PANK3: variants seen among roughly 807,000 people sequenced by gnomAD.
PANK3 encodes the protein hPanK3.
PANK3 carries 20 observed loss-of-function variants against 39.4 expected under a neutral mutation model. The observed-to-expected ratio is 0.51, with a 90% CI of 0.36 to 0.74. The LOEUF is 0.74. Ranked by LOEUF, PANK3 falls within the 30% of genes least tolerant of loss-of-function variation. PANK3 has a pLI of 0.00. For synonymous variants in PANK3, 140 were observed against 157.3 expected, an observed-to-expected ratio of 0.89 and a Z score of 0.82; for missense variants, 265 against 437.0, an observed-to-expected ratio of 0.61 and a Z score of 3.51.
intron 1 of PANK3, among the ~76,000 whole-genome samples, chr5:168,575,694 G>A (rs1759719592): frequency 6.6e-6 from 1 of 152,158 alleles, no homozygotes; most frequent in Non-Finnish European, 1.5e-5. Context: ...GCTGAGGGGG[G>A]AGGATTGCTT....
rs912331579 is a variant in PANK3 at position 168,554,123 on chromosome 5, T to A, written c.*3448A>T. 1 of 152,336 alleles carries A rather than the reference T, an allele frequency of 6.6e-6. No individual in the cohort carries two copies. The allele number at this position is 152,336 out of a possible 1,614,324, so 9.4% of individuals were successfully genotyped here. A position where few individuals can be genotyped will look rare whatever the true frequency, so the allele number is the denominator to read the frequency against. On this transcript the variant is annotated 3_prime_UTR_variant, in exon 7 of 7. Coordinates refer to ENST00000239231, the MANE Select transcript of PANK3 (RefSeq NM_024594.4). ...ACCTGGGAATTTATTCTCTCTTTTG[T>A]ATTTTTGATAGTGATTACAAAGTTT... is the stretch of plus-strand genomic sequence containing the variant.
Position 168,551,528 on chromosome 5 carries a change from A to AC in PANK3, c.*6042dup. 1 of 152,174 alleles carries AC rather than the reference A, an allele frequency of 6.6e-6. No individual in the cohort carries two copies. The highest frequency in any genetic ancestry group is 1.5e-5 in the Non-Finnish European group (1 of 68,030). 9.4% of individuals were successfully genotyped at this position (152,174 alleles called of 1,614,324 possible). On this transcript the variant is annotated 3_prime_UTR_variant, in exon 7 of 7. Coordinates refer to ENST00000239231, the MANE Select transcript of PANK3 (RefSeq NM_024594.4). ...ACAGAAAAAGATACAATATGAAAAA[A>AC]CTTTGCTTATAATATACAGAGTGGT...
At position 168,552,218 on chromosome 5, in the gene PANK3, G is replaced by A. The variant is rs140560219; in HGVS notation, c.*5353C>T. On this transcript the variant is annotated 3_prime_UTR_variant, in exon 7 of 7. Coordinates refer to ENST00000239231, the MANE Select transcript of PANK3 (RefSeq NM_024594.4). ...GTACAGAGGTCTACAATGCATTAAA[G>A]TTTCTTTTTAATCCTTAGAAATTGG... The A allele has an allele frequency of 3.9e-5, 6 of 152,258 alleles. No homozygotes were observed. In the East Asian group the frequency reaches 1.2e-3, roughly 29 times the overall value. The allele number at this position is 152,258 out of a possible 1,614,324, so 9.4% of individuals were successfully genotyped here. A position where few individuals can be genotyped will look rare whatever the true frequency, so the allele number is the denominator to read the frequency against.
At position 168,568,778 on chromosome 5, in the gene PANK3, G is replaced by C. The variant is rs1286797444; in HGVS notation, c.249C>G (p.His83Gln). Residue 83 changes from histidine to glutamine, a missense_variant, in exon 2 of 7, where the codon CAC becomes CAG. By Grantham distance (24) the His-to-Gln change is conservative. Around this residue, in one of 3 missense-constraint regions of PANK3, gnomAD observed 154 missense variants for 256.8 expected, o/e 0.60. Coordinates refer to ENST00000239231, the MANE Select transcript of PANK3 (RefSeq NM_024594.4). ...LTLFGRRGNL[H>Q]FIRFPTQDLP... Reference sequence around the variant, plus strand: ...GGTCCTGGGTTGGAAACCTGATAAAGTGCAAGTTCCCTCTTCGGCCAAAAA... The same window carrying C: ...GGTCCTGGGTTGGAAACCTGATAAACTGCAAGTTCCCTCTTCGGCCAAAAA... 6.2e-7 allele frequency: 1 copy of C among 1,614,066 alleles called. No individual in the cohort carries two copies. Among genetic ancestry groups the C allele is most frequent in the East Asian group, 2.2e-5 (1 of 44,878 alleles).
At chr5:168,566,370 C>T (rs1336551100) in intron 2 of PANK3, 104 bp from the exon 3 acceptor site, 12 of 1,248,830 alleles carry the variant, frequency 9.6e-6, no homozygotes, top group South Asian at 1.5e-5. Flanking sequence ...GGTCTATGAC[C>T]CCCACATTTT....
intron 1 of PANK3, 73 bp downstream of exon 1, chr5:168,579,183 G>T: frequency 7.3e-7 from 1 of 1,363,516 alleles, no homozygotes; most frequent in Non-Finnish European, 9.7e-7. Context: ...GAAGCCGACC[G>T]CCCAGCCAAG....
chr5:168,579,233 G>C, intron 1 of PANK3, 23 bp downstream of exon 1: 1 of 1,486,588 alleles, frequency 6.7e-7, no homozygotes, highest in Non-Finnish European at 9.0e-7. Flanking sequence ...TCCCAACCTG[G>C]CGGGCCCCAG....
At chr5:168,568,484 C>T (rs1476947379) in intron 2 of PANK3, among the ~76,000 whole-genome samples, 162 bp downstream of exon 2, 1 of 152,100 alleles carries the variant, frequency 6.6e-6, no homozygotes, top group Non-Finnish European at 1.5e-5. Context: ...GCAATTTTTA[C>T]TCATCTCATA....
Position 168,565,865 on chromosome 5 carries a change from A to AT in PANK3, c.635+147_635+148insA, listed in dbSNP as rs1353341151. On this transcript the variant is annotated intron_variant, in intron 3 of 6. Coordinates refer to ENST00000239231, the MANE Select transcript of PANK3 (RefSeq NM_024594.4). ...TGGCACCCTCTTTCACTTAAAAAAAAAAAATATATATATATATATATTTTT... is the reference window on the plus strand; with the variant it reads ...TGGCACCCTCTTTCACTTAAAAAAAATAAAATATATATATATATATATTTTT... 28 of 175,010 alleles carry AT rather than the reference A, an allele frequency of 1.6e-4. No individual in the cohort carries two copies. In the Admixed American group the frequency reaches 1.8e-3, roughly 11 times the overall value. The allele number at this position is 175,010 out of a possible 1,614,324, so 10.8% of individuals were successfully genotyped here.
intron 5 of PANK3, 56 bp from the exon 6 acceptor site, chr5:168,559,213 A>C: frequency 8.7e-7 from 1 of 1,152,106 alleles, no homozygotes; most frequent in Non-Finnish European, 1.2e-6. Flanking sequence ...TACAATATAA[A>C]AGGTTTCTAA....
At position 168,553,143 on chromosome 5, in the gene PANK3, A is replaced by G. The variant is rs1380451732; in HGVS notation, c.*4428T>C. ...GGGCTACACTTTATAGGACAGCTGG[A>G]AGGATGGTAAAGCCCAGTATCACTG... On this transcript the variant is annotated 3_prime_UTR_variant, in exon 7 of 7. Coordinates refer to ENST00000239231, the MANE Select transcript of PANK3 (RefSeq NM_024594.4). The G allele has an allele frequency of 2.2e-6, 1 of 451,960 alleles. No homozygotes were observed. The highest frequency in any genetic ancestry group is 4.3e-6 in the Non-Finnish European group (1 of 231,654). The allele number at this position is 451,960 out of a possible 1,614,324, so 28.0% of individuals were successfully genotyped here.
rs994803368 is a variant in PANK3, at chr5:168,555,265, G to A, written c.*2306C>T. 3 of 151,962 alleles carry A rather than the reference G, an allele frequency of 2.0e-5. No homozygotes were observed. The highest frequency in any genetic ancestry group is 7.3e-5 in the African/African-American group (3 of 41,372). 9.4% of individuals were successfully genotyped at this position (151,962 alleles called of 1,614,324 possible). A position where few individuals can be genotyped will look rare whatever the true frequency, so the allele number is the denominator to read the frequency against. On this transcript the variant is annotated 3_prime_UTR_variant, in exon 7 of 7. Coordinates refer to ENST00000239231, the MANE Select transcript of PANK3 (RefSeq NM_024594.4). ...GGAAACAGATGATTCTTTTTTTTGA[G>A]ACAGAGTCTCACTCTGTCGCCCAGG...
In PANK3 at chr5:168,549,636, G is replaced by C. The variant is rs1242050687; in HGVS notation, c.*7935C>G. 6.6e-6 allele frequency: 1 copy of C among 151,970 alleles called. No homozygotes were observed. Among genetic ancestry groups the C allele is most frequent in the East Asian group, 1.9e-4 (1 of 5,196 alleles). 9.4% of individuals were successfully genotyped at this position (151,970 alleles called of 1,614,324 possible). On this transcript the variant is annotated 3_prime_UTR_variant, in exon 7 of 7. Coordinates refer to ENST00000239231, the MANE Select transcript of PANK3 (RefSeq NM_024594.4). ...TGTTCTTTTAAATGCAAAATTAGTG[G>C]CAGTTGCAGCAAAAACGCCGAAATT...
Position 168,548,511 on chromosome 5 carries a change from T to A in PANK3, c.*9060A>T, listed in dbSNP as rs2113091485. ...AGGCACACATAGTAAACAACTTAGA[T>A]AATTTATTTAGAAAGTAGAAAATAA... is the stretch of plus-strand genomic sequence containing the variant. On this transcript the variant is annotated 3_prime_UTR_variant, in exon 7 of 7. Coordinates refer to ENST00000239231, the MANE Select transcript of PANK3 (RefSeq NM_024594.4). The A allele has an allele frequency of 6.6e-6, 1 of 152,276 alleles. No homozygotes were observed. The highest frequency in any genetic ancestry group is 2.4e-5 in the African/African-American group (1 of 41,562). The allele number at this position is 152,276 out of a possible 1,614,324, so 9.4% of individuals were successfully genotyped here.
At position 168,553,617 on chromosome 5, in the gene PANK3, C is replaced by CACT. The variant is rs1376250913; in HGVS notation, c.*3951_*3953dup. 1.3e-5 allele frequency: 3 copies of CACT among 235,350 alleles called. No homozygotes were observed. The East Asian group carries it at 3.6e-4, about 28-fold the overall frequency. 14.6% of individuals were successfully genotyped at this position (235,350 alleles called of 1,614,324 possible). On this transcript the variant is annotated 3_prime_UTR_variant, in exon 7 of 7. Transcript: ENST00000239231. ...AAGTCCTGTATGACTGTCTCAGGAGCACTGATGACTCCAATGTTGTAGCCA... is the reference window on the plus strand; with the variant it reads ...AAGTCCTGTATGACTGTCTCAGGAGCACTACTGATGACTCCAATGTTGTAGCCA...
At chr5:168,559,670 C>T (rs958962457) in intron 5 of PANK3, among the ~76,000 whole-genome samples, 5 of 151,804 alleles carry the variant, frequency 3.3e-5, no homozygotes, top group Admixed American at 3.3e-4. Flanking sequence ...CTTACAAAGT[C>T]ATTTGGAGAC....
intron 1 of PANK3, among the ~76,000 whole-genome samples, chr5:168,570,437 C>T (rs1759610743): frequency 1.3e-5 from 2 of 151,434 alleles, no homozygotes; most frequent in Non-Finnish European, 2.9e-5. Context: ...ATCATCTCCT[C>T]TACACCAGGA....
intron 1 of PANK3, among the ~76,000 whole-genome samples, chr5:168,571,655 C>A (rs1759632659): frequency 6.6e-6 from 1 of 152,148 alleles, no homozygotes; most frequent in Admixed American, 6.5e-5. Context: ...TCTACTTTCT[C>A]ATTTTATTTG....
At chr5:168,558,838 T>G (rs1271041615) in intron 6 of PANK3, among the ~76,000 whole-genome samples, 194 bp downstream of exon 6, 1 of 152,060 alleles carries the variant, frequency 6.6e-6, no homozygotes, top group Non-Finnish European at 1.5e-5. Context: ...AAAATAAATT[T>G]TCTGGGCACA....
Sources: allele counts gnomAD v4.1 joint callset (sites outside exome capture counted in the v4.1 genomes callset), GRCh38; gene constraint gnomAD v4.1.1; regional missense constraint gnomAD v4.1.1; transcripts MANE v1.5; gene names NCBI Gene and HGNC (gene_info 2026-07-23, HGNC 2026-07-21).